LARP1B: variants seen among roughly 807,000 people sequenced by gnomAD.
LARP1B encodes the protein la-related protein 1B.
In LARP1B, 76 loss-of-function variants were observed where a neutral mutation model predicts 114.2. The ratio of observed to expected loss-of-function variants is 0.67; its 90% CI spans 0.55 to 0.81. LARP1B has a LOEUF of 0.81. LARP1B is among the 30% of genes least tolerant of loss of function. The pLI is 0.00. For missense variants in LARP1B, 1,014 were observed against 1,075.8 expected, an observed-to-expected ratio of 0.94 and a Z score of 0.80; for synonymous variants, 345 against 348.0, an observed-to-expected ratio of 0.99 and a Z score of 0.10.
At chr4:128,162,173 G>C (rs1431605255) in intron 11 of LARP1B, 21 bp from the exon 12 acceptor site, 3 of 1,608,872 alleles carry the variant, frequency 1.9e-6, no homozygotes, top group Non-Finnish European at 1.7e-6. Flanking sequence ...TTAGTAATTA[G>C]ATTCCTCCAT....
At position 128,063,193 on chromosome 4, in the gene LARP1B, G is replaced by A. The variant is rs1446895377; in HGVS notation, c.-78+1792G>A. 2.0e-5 allele frequency among the ~76,000 whole-genome samples: 3 copies of A among 151,756 alleles called. No homozygotes were observed. The East Asian group carries it at 5.8e-4, about 29-fold the overall frequency. On this transcript the variant is annotated intron_variant, in intron 1 of 19. Transcript: ENST00000326639. ...TGTAATCCCAGCACTTTGGGAGGCC[G>A]AGGCGGGCGGATCACCTGAGGTGAG...
chr4:128,184,261 CATTGTTGTCTTATTTTAAGAA>C (rs1051883207), intron 15 of LARP1B, among the ~76,000 whole-genome samples: 3 of 152,152 alleles, frequency 2.0e-5, no homozygotes, highest in African/African-American at 4.8e-5. Context: ...TAGCAAATTT[CATTGTTGTCTTATTTTAAGAA>C]ATTGCCACAG....
chr4:128,216,527 C>T (rs912130926), downstream of LARP1B, among the ~76,000 whole-genome samples: 1 of 148,702 alleles, frequency 6.7e-6, no homozygotes, highest in Non-Finnish European at 1.5e-5. Context: ...AACTGAACAA[C>T]CTGCTCCTGA....
chr4:128,155,956 A>G lies in LARP1B; in HGVS notation c.1525-6238A>G, dbSNP rs901384389. On this transcript the variant is annotated intron_variant, in intron 11 of 19. Coordinates refer to ENST00000326639, the MANE Select transcript of LARP1B (RefSeq NM_018078.4). ...GTACACAGGCGGTACCAGCGGCACC[A>G]GCAGCCCGCCAGCCCCCTGCCGCCC... 5 of 1,531,464 alleles carry G rather than the reference A, an allele frequency of 3.3e-6. No homozygotes were observed. The African/African-American group carries it at 5.5e-5, about 17-fold the overall frequency. 94.9% of individuals were successfully genotyped at this position (1,531,464 alleles called of 1,614,324 possible).
chr4:128,153,451 G>A (rs745375806), intron 11 of LARP1B, among the ~76,000 whole-genome samples: 110 of 151,504 alleles, frequency 7.3e-4, no homozygotes, highest in South Asian at 1.9e-3. Flanking sequence ...GACTACAGGC[G>A]TGCACCACCA....
intron 16 of LARP1B, among the ~76,000 whole-genome samples, chr4:128,200,137 T>A (rs932344737): frequency 5.9e-5 from 9 of 152,212 alleles, no homozygotes; most frequent in Non-Finnish European, 8.8e-5. Flanking sequence ...TTGAGAGATA[T>A]TTATAATTTA....
intron 14 of LARP1B, among the ~76,000 whole-genome samples, chr4:128,179,156 A>G (rs550811359): frequency 2.0e-5 from 3 of 152,346 alleles, no homozygotes; most frequent in Admixed American, 1.3e-4. Flanking sequence ...ACGAACAGAA[A>G]GTATAATGAA....
intron 1 of LARP1B, among the ~76,000 whole-genome samples, chr4:128,071,613 G>C (rs1388998341): frequency 6.6e-6 from 1 of 150,872 alleles, no homozygotes; most frequent in African/African-American, 2.4e-5. Flanking sequence ...GTAGAGATGG[G>C]GTTTCACCAT....
chr4:128,098,765 ATATTTTTT>A lies in LARP1B; in HGVS notation c.813+437_813+444del, dbSNP rs1420989571. On this transcript the variant is annotated intron_variant, in intron 8 of 19. Transcript: ENST00000326639. ...TGTATGTGTATATATATATATATAT[ATATTTTTT>A]TTTTTTTTTTTTTTTTTTTTTTAAG... is the stretch of plus-strand genomic sequence containing the variant. Among the ~76,000 whole-genome samples, 32 of 32,840 alleles carry A rather than the reference ATATTTTTT, an allele frequency of 9.7e-4. 3 individuals are homozygous for A. The highest frequency in any genetic ancestry group is 3.7e-3 in the African/African-American group (30 of 8,136). The allele number at this position is 32,840 out of a possible 152,430, so 21.5% of individuals were successfully genotyped here. A position where few individuals can be genotyped will look rare whatever the true frequency, so the allele number is the denominator to read the frequency against.
chr4:128,150,125 T>C (rs894703585), intron 11 of LARP1B, among the ~76,000 whole-genome samples: 10 of 152,048 alleles, frequency 6.6e-5, no homozygotes, highest in African/African-American at 2.4e-4. Context: ...CACTCCAGCC[T>C]GGGCGACAGA....
intron 1 of LARP1B, among the ~76,000 whole-genome samples, chr4:128,066,640 G>A (rs1763018658): frequency 6.6e-6 from 1 of 151,646 alleles, no homozygotes; most frequent in Non-Finnish European, 1.5e-5. Flanking sequence ...ACCATGCCTG[G>A]CTAATTTTTA....
At chr4:128,106,501 T>A (rs565971395) in intron 8 of LARP1B, among the ~76,000 whole-genome samples, 1 of 152,238 alleles carries the variant, frequency 6.6e-6, no homozygotes, top group East Asian at 1.9e-4. Context: ...AGGATTTAGT[T>A]TGTATCTTGA....
intron 12 of LARP1B, among the ~76,000 whole-genome samples, chr4:128,170,433 G>A (rs1743057806): frequency 6.6e-6 from 1 of 152,150 alleles, no homozygotes; most frequent in Admixed American, 6.6e-5. Flanking sequence ...GAGGAGTGTT[G>A]AAGTCACCAC....
chr4:128,196,385 G>T (rs1311635427), intron 15 of LARP1B, among the ~76,000 whole-genome samples: 2 of 151,696 alleles, frequency 1.3e-5, no homozygotes, highest in African/African-American at 4.8e-5. Flanking sequence ...CAGGCATAGT[G>T]GTACTTGCCT....
At position 128,151,640 on chromosome 4, in the gene LARP1B, T is replaced by C. The variant is rs1732835839; in HGVS notation, c.1525-10554T>C. ...TTTTTTAAGGTGGAGTCTCGCTCTG[T>C]CACCCAGGCTGGAGTGCAATGGCGT... On this transcript the variant is annotated intron_variant, in intron 11 of 19. Coordinates refer to ENST00000326639, the MANE Select transcript of LARP1B (RefSeq NM_018078.4). Among the ~76,000 whole-genome samples, 3 of 152,108 alleles carry C rather than the reference T, an allele frequency of 2.0e-5. No individual in the cohort carries two copies. In the South Asian group the frequency reaches 6.2e-4, roughly 31 times the overall value.
At chr4:128,062,782 GA>G (rs1367203471) in intron 1 of LARP1B, among the ~76,000 whole-genome samples, 3 of 116,408 alleles carry the variant, frequency 2.6e-5, no homozygotes, top group African/African-American at 9.7e-5. Context: ...GGGGAGGGGG[GA>G]GGGATAGCAT....
chr4:128,145,527 C>T (rs1022261617), intron 11 of LARP1B, among the ~76,000 whole-genome samples: 2 of 152,198 alleles, frequency 1.3e-5, no homozygotes, highest in Admixed American at 6.5e-5. Flanking sequence ...CAAGGACACA[C>T]AGCAGCCTGA....
intron 3 of LARP1B, 138 bp downstream of exon 3, chr4:128,075,131 CT>C (rs1767294072): frequency 1.3e-5 from 8 of 633,550 alleles, no homozygotes; most frequent in Admixed American, 5.6e-5. Flanking sequence ...GAGACAGGGT[CT>C]TGCTCTGTCT....
intron 11 of LARP1B, among the ~76,000 whole-genome samples, chr4:128,151,094 A>G (rs1009754005): frequency 5.3e-5 from 8 of 152,242 alleles, no homozygotes; most frequent in Non-Finnish European, 1.2e-4. Context: ...AATATGAGGA[A>G]TGCCAGTATA....
Sources: allele counts gnomAD v4.1 joint callset (sites outside exome capture counted in the v4.1 genomes callset), GRCh38; gene constraint gnomAD v4.1.1; transcripts MANE v1.5; gene names NCBI Gene and HGNC (gene_info 2026-07-23, HGNC 2026-07-21).